Variants in BEND6 observed in about 807,000 individuals in gnomAD.
BEND6 encodes BEN domain containing 6.
A neutral mutation model predicts 31.8 loss-of-function variants in BEND6; 24 were observed. That is an observed-to-expected ratio of 0.75 (90% CI 0.55 to 1.06). The LOEUF is 1.06. Ranked by LOEUF, BEND6 falls within the 50% of genes least tolerant of loss-of-function variation. BEND6 has a pLI of 0.00. For missense variants in BEND6, 294 were observed against 327.4 expected (o/e 0.90, Z 0.79); for synonymous variants, 109 against 114.6 (o/e 0.95, Z 0.31).
At chr6:56,996,138 A>G (rs566223085) in intron 3 of BEND6, among the ~76,000 whole-genome samples, 69 of 152,238 alleles carry the variant, frequency 4.5e-4, no homozygotes, top group African/African-American at 1.6e-3. Context: ...ACCGTCTCCA[A>G]TAATATGGTG....
Position 57,012,222 on chromosome 6 carries a change from G to A in BEND6, c.299-2911G>A, listed in dbSNP as rs554804563. Among the ~76,000 whole-genome samples, 279 of 152,254 alleles carry A rather than the reference G, an allele frequency of 1.8e-3. No homozygotes were observed. In the Middle Eastern group the frequency reaches 0.027, roughly 15 times the overall value. ...GGTGAATGGATACATTAATTATAAA[G>A]TAATGAAATGTTAGCAATAAAAAGG... On this transcript the variant is annotated intron_variant, in intron 3 of 6. Coordinates refer to ENST00000370746, the MANE Select transcript of BEND6 (RefSeq NM_152731.3).
At chr6:57,015,428 T>C in intron 4 of BEND6, 75 bp downstream of exon 4, 1 of 1,293,066 alleles carries the variant, frequency 7.7e-7, no homozygotes, top group African/African-American at 1.5e-5. Context: ...TGGAAAATGA[T>C]CATTGTTTTA....
chr6:57,024,023 T>C (rs1387613980), intron 6 of BEND6, among the ~76,000 whole-genome samples: 1 of 152,234 alleles, frequency 6.6e-6, no homozygotes. Flanking sequence ...CATAAGAAGT[T>C]GTTTTTAAAA....
At chr6:56,987,450 A>G (rs1826323975) in intron 2 of BEND6, among the ~76,000 whole-genome samples, 1 of 152,160 alleles carries the variant, frequency 6.6e-6, no homozygotes, top group Admixed American at 6.5e-5. Context: ...GCCCGGAGAG[A>G]CACCATGTTG....
chr6:57,009,586 A>G (rs561637281), intron 3 of BEND6: 150 of 152,282 alleles, frequency 9.9e-4, no homozygotes, highest in African/African-American at 3.4e-3. Context: ...CATGTCTTGC[A>G]TACAAAATAT....
chr6:57,008,396 T>A (rs1827234633), intron 3 of BEND6: 1 of 607,564 alleles, frequency 1.6e-6, no homozygotes, highest in African/African-American at 1.8e-5. Context: ...TTCCCTAGGT[T>A]TAACTATTTG....
chr6:57,020,277 ATTTTTTTT>A (rs1247013962), intron 6 of BEND6, among the ~76,000 whole-genome samples: 1 of 130,870 alleles, frequency 7.6e-6, no homozygotes, highest in African/African-American at 2.8e-5. Flanking sequence ...CAAGTTCTCT[ATTTTTTTT>A]TTTTTTTTTG....
At chr6:57,019,584 G>T (rs1453254302) in intron 6 of BEND6, among the ~76,000 whole-genome samples, 1 of 152,014 alleles carries the variant, frequency 6.6e-6, no homozygotes. Context: ...GTAATCCCCT[G>T]CCCCAAACGC....
At chr6:56,983,821 G>A (rs1401406873) in intron 2 of BEND6, among the ~76,000 whole-genome samples, 2 of 152,094 alleles carry the variant, frequency 1.3e-5, no homozygotes, top group Admixed American at 6.6e-5. Flanking sequence ...GCATAGCACC[G>A]TGTTTTATTT....
chr6:56,986,074 C>G (rs1293691057), intron 2 of BEND6, among the ~76,000 whole-genome samples: 1 of 152,110 alleles, frequency 6.6e-6, no homozygotes, highest in Non-Finnish European at 1.5e-5. Flanking sequence ...AGGCTATCTT[C>G]AGTTTTTAAA....
intron 1 of BEND6, among the ~76,000 whole-genome samples, chr6:56,965,804 A>C (rs773146550): frequency 6.6e-6 from 1 of 151,456 alleles, no homozygotes; most frequent in East Asian, 1.9e-4. Flanking sequence ...GAGTTGAATC[A>C]CTCCTGATTT....
chr6:56,958,601 CAGAT>C (rs576320686), intron 1 of BEND6, among the ~76,000 whole-genome samples: 78 of 152,206 alleles, frequency 5.1e-4, no homozygotes, highest in African/African-American at 1.9e-3. Flanking sequence ...GAACCAAAAA[CAGAT>C]AGGGAGTCAT....
chr6:57,018,462 A>G lies in BEND6; in HGVS notation c.754A>G (p.Ile252Val), dbSNP rs759718006. Residue 252 changes from isoleucine (I) to valine (V), a missense_variant, in exon 6 of 7, where the codon ATT becomes GTT. By Grantham distance (29) the Ile-to-Val change is conservative (BLOSUM62 3). Coordinates refer to ENST00000370746, the MANE Select transcript of BEND6 (RefSeq NM_152731.3). ...QLFPNTDDVS[I>V]RRMIGQKLNN... is the part of the protein sequence containing the mutation. Reference sequence around the variant, plus strand: ...ATTTCCCAATACGGATGATGTTTCAATTAGGAGAATGATAGGGCAAAAGCT... The same window carrying G: ...ATTTCCCAATACGGATGATGTTTCAGTTAGGAGAATGATAGGGCAAAAGCT... 4.0e-5 allele frequency: 63 copies of G among 1,588,770 alleles called. No individual in the cohort carries two copies. The African/African-American group carries it at 6.3e-4, about 16-fold the overall frequency.
rs956312826 is a variant in BEND6, at chr6:56,998,252, T to C, written c.298+5697T>C. Among the ~76,000 whole-genome samples, 3 of 152,218 alleles carry C rather than the reference T, an allele frequency of 2.0e-5. No individual in the cohort carries two copies. In the East Asian group the frequency reaches 5.8e-4, roughly 29 times the overall value. ...GGTCTAAGGGAAGACTATATGCTGA[T>C]TATTTACTTTGTTTGCAATAATGTT... On this transcript the variant is annotated intron_variant, in intron 3 of 6. Transcript: ENST00000370746.
At chr6:57,014,291 A>G (rs953005156) in intron 3 of BEND6, among the ~76,000 whole-genome samples, 18 of 152,236 alleles carry the variant, frequency 1.2e-4, no homozygotes, top group African/African-American at 3.9e-4. Context: ...TTTGCACATC[A>G]TTAATTATTC....
At chr6:57,017,088 T>C in intron 4 of BEND6, 119 bp from the exon 5 acceptor site, 1 of 371,002 alleles carries the variant, frequency 2.7e-6, no homozygotes, top group African/African-American at 2.2e-5. Context: ...AATATATATA[T>C]AATATCTTAC....
chr6:56,999,543 C>G (rs1826847089), intron 3 of BEND6, among the ~76,000 whole-genome samples: 2 of 152,242 alleles, frequency 1.3e-5, no homozygotes. Flanking sequence ...CCTCTGGGCG[C>G]TTGGTGGCCA....
In BEND6 at chr6:57,026,926, T is replaced by C. The variant is rs961653974; in HGVS notation, c.*854T>C. Reference sequence around the variant, plus strand: ...ACATCGTATATAAGATATAACATGATAGATAGTTGGTCGATTACATTGCTA... The same window carrying C: ...ACATCGTATATAAGATATAACATGACAGATAGTTGGTCGATTACATTGCTA... On this transcript the variant is annotated 3_prime_UTR_variant, in exon 7 of 7. Transcript: ENST00000370746. The C allele has an allele frequency of 2.0e-4, 31 of 152,252 alleles. No individual in the cohort carries two copies. The highest frequency in any genetic ancestry group is 7.5e-4 in the African/African-American group (31 of 41,478). 9.4% of individuals were successfully genotyped at this position (152,252 alleles called of 1,614,324 possible).
chr6:56,968,919 A>T (rs191365234), intron 1 of BEND6, among the ~76,000 whole-genome samples: 19 of 151,968 alleles, frequency 1.3e-4, no homozygotes, highest in East Asian at 1.2e-3. Context: ...AATAAAAATA[A>T]AAAAAATTAG....
Sources: allele counts gnomAD v4.1 joint callset (sites outside exome capture counted in the v4.1 genomes callset), GRCh38; gene constraint gnomAD v4.1.1; transcripts MANE v1.5; gene names NCBI Gene and HGNC (gene_info 2026-07-23, HGNC 2026-07-21).